The following RCL1 variants were observed in gnomAD, a reference collection of about 807,000 sequenced individuals.
RCL1 encodes RNA 3'-terminal phosphate cyclase-like protein.
RCL1 carries 24 observed loss-of-function variants against 42.4 expected under a neutral mutation model. The observed-to-expected ratio is 0.57, with a 90% CI of 0.41 to 0.80. The LOEUF (loss-of-function observed/expected upper bound fraction) is 0.80. RCL1 is among the 30% of genes least tolerant of loss of function. RCL1 has a pLI of 0.00. For synonymous variants in RCL1, 228 were observed against 177.3 expected, an observed-to-expected ratio of 1.29 and a Z score of -2.27; for missense variants, 578 against 467.9, an observed-to-expected ratio of 1.24 and a Z score of -2.17.
At chr9:4,845,452 A>T (rs748422535) in intron 7 of RCL1, among the ~76,000 whole-genome samples, 1 of 152,254 alleles carries the variant, frequency 6.6e-6, no homozygotes, top group African/African-American at 2.4e-5. Context: ...GCACATATGC[A>T]TGCACACACT....
intron 3 of RCL1, among the ~76,000 whole-genome samples, chr9:4,831,964 C>T (rs1816956354): frequency 6.6e-6 from 1 of 152,188 alleles, no homozygotes; most frequent in Admixed American, 6.5e-5. Context: ...GAGCTGGGAC[C>T]AGGACTAGGG....
At chr9:4,835,375 G>T (rs1290931183) in intron 5 of RCL1, among the ~76,000 whole-genome samples, 1 of 152,226 alleles carries the variant, frequency 6.6e-6, no homozygotes, top group African/African-American at 2.4e-5. Flanking sequence ...TTAGCATTGG[G>T]GTGGGGGAAA....
At chr9:4,856,040 C>A (rs978708545) in intron 8 of RCL1, among the ~76,000 whole-genome samples, 1 of 152,046 alleles carries the variant, frequency 6.6e-6, no homozygotes, top group Admixed American at 6.5e-5. Context: ...CAGAGCATGC[C>A]CCAGGCCTGT....
intron 7 of RCL1, among the ~76,000 whole-genome samples, chr9:4,844,933 C>T (rs1817462204): frequency 6.6e-6 from 1 of 152,040 alleles, no homozygotes; most frequent in South Asian, 2.1e-4. Flanking sequence ...AGAACTGGAA[C>T]AGTCATAAAG....
chr9:4,819,680 G>A (rs1461821278), intron 1 of RCL1, among the ~76,000 whole-genome samples: 4 of 152,102 alleles, frequency 2.6e-5, no homozygotes, highest in East Asian at 3.9e-4. Context: ...GGTGGCACGC[G>A]CCTGTAGTCC....
At chr9:4,839,900 G>A (rs1817256425) in intron 5 of RCL1, 3 of 985,614 alleles carry the variant, frequency 3.0e-6, no homozygotes, top group Non-Finnish European at 3.6e-6. Context: ...CCGGCTGGAG[G>A]GTTTCAGGAG....
intron 2 of RCL1, among the ~76,000 whole-genome samples, chr9:4,824,585 T>C (rs1219703808): frequency 1.3e-5 from 2 of 152,190 alleles, no homozygotes; most frequent in Admixed American, 1.3e-4. Context: ...CTACATTGTA[T>C]GGAAAACTGT....
chr9:4,824,573 G>C (rs1265718506), intron 2 of RCL1, among the ~76,000 whole-genome samples: 2 of 152,002 alleles, frequency 1.3e-5, no homozygotes, highest in African/African-American at 4.8e-5. Flanking sequence ...AGAAACTTGT[G>C]TCTACATTGT....
chr9:4,838,752 G>T (rs1817220026), intron 5 of RCL1, among the ~76,000 whole-genome samples: 1 of 152,184 alleles, frequency 6.6e-6, no homozygotes, highest in Admixed American at 6.5e-5. Flanking sequence ...AAAATTTTCT[G>T]CAAGATTGTG....
chr9:4,816,960 G>A (rs1816401243), intron 1 of RCL1, among the ~76,000 whole-genome samples: 1 of 152,214 alleles, frequency 6.6e-6, no homozygotes, highest in Non-Finnish European at 1.5e-5. Flanking sequence ...GGGACTACAG[G>A]CACTTGCCAC....
intron 1 of RCL1, among the ~76,000 whole-genome samples, chr9:4,799,916 C>T (rs1171903005): frequency 6.6e-6 from 1 of 152,120 alleles, no homozygotes; most frequent in Non-Finnish European, 1.5e-5. Context: ...TGACTATCAT[C>T]AAAAGTTGAT....
intron 3 of RCL1, among the ~76,000 whole-genome samples, chr9:4,831,513 G>A (rs1395014411): frequency 3.9e-5 from 6 of 152,142 alleles, no homozygotes; most frequent in African/African-American, 9.7e-5. Context: ...GTCTCACTCT[G>A]TCTCCCAGGC....
intron 8 of RCL1, among the ~76,000 whole-genome samples, chr9:4,859,352 G>A (rs140287456): frequency 1.9e-4 from 29 of 152,108 alleles, no homozygotes; most frequent in Middle Eastern, 3.4e-3. Context: ...TGTTTGCTTT[G>A]TTTACATTAC....
chr9:4,839,714 T>C (rs1164267385), intron 5 of RCL1: 1 of 984,510 alleles, frequency 1.0e-6, no homozygotes, highest in Non-Finnish European at 1.2e-6. Context: ...TGAGTCAAGT[T>C]AAATATTTAT....
chr9:4,813,130 T>A (rs540311623), intron 1 of RCL1, among the ~76,000 whole-genome samples: 27 of 152,154 alleles, frequency 1.8e-4, no homozygotes, highest in Non-Finnish European at 3.4e-4. Flanking sequence ...GTGGTGATAG[T>A]AGGCATCCTT....
intron 6 of RCL1, among the ~76,000 whole-genome samples, 185 bp downstream of exon 6, chr9:4,841,542 A>T (rs2129667443): frequency 6.6e-6 from 1 of 152,366 alleles, no homozygotes; most frequent in Non-Finnish European, 1.5e-5. Flanking sequence ...CATGGAAAGC[A>T]TCCCAGTGGC....
chr9:4,830,560 G>A (rs1475415351), intron 3 of RCL1, among the ~76,000 whole-genome samples: 6 of 152,178 alleles, frequency 3.9e-5, no homozygotes, highest in Admixed American at 3.9e-4. Flanking sequence ...AGAGCTCCCA[G>A]TAATTATTTG....
intron 2 of RCL1, among the ~76,000 whole-genome samples, chr9:4,824,403 C>G (rs1051307023): frequency 4.1e-4 from 51 of 124,724 alleles, no homozygotes; most frequent in Admixed American, 2.5e-3. Flanking sequence ...TTTGCTAGTA[C>G]AAATGTCTCA....
chr9:4,845,478 A>C (rs1471900404), intron 7 of RCL1, among the ~76,000 whole-genome samples: 1 of 152,214 alleles, frequency 6.6e-6, no homozygotes, highest in African/African-American at 2.4e-5. Context: ...TGTTTCCTCA[A>C]AATAGGTGAG....
Sources: allele counts gnomAD v4.1 joint callset (sites outside exome capture counted in the v4.1 genomes callset), GRCh38; gene constraint gnomAD v4.1.1; transcripts MANE v1.5; gene names NCBI Gene and HGNC (gene_info 2026-07-23, HGNC 2026-07-21).